The following PACRG variants were observed in gnomAD, a reference collection of about 807,000 sequenced individuals.
PACRG encodes the protein parkin coregulated.
In PACRG, 29 loss-of-function variants were observed where a neutral mutation model predicts 29.7. The ratio of observed to expected loss-of-function variants is 0.98; its 90% CI spans 0.73 to 1.33. PACRG has a LOEUF of 1.33. Ranked by LOEUF, PACRG falls within the 40% of genes most tolerant of loss-of-function variation. The pLI is 0.00. For missense variants in PACRG, 279 were observed against 316.2 expected, an observed-to-expected ratio of 0.88 and a Z score of 0.89; for synonymous variants, 116 against 118.7, an observed-to-expected ratio of 0.98 and a Z score of 0.15.
chr6:163,282,949 G>C (rs1274757659), intron 4 of PACRG, among the ~76,000 whole-genome samples: 1 of 152,204 alleles, frequency 6.6e-6, no homozygotes, highest in East Asian at 1.9e-4. Flanking sequence ...CAAATTTTGT[G>C]TAAACATGTA....
intron 3 of PACRG, among the ~76,000 whole-genome samples, chr6:163,072,388 A>G (rs753171999): frequency 6.6e-6 from 1 of 152,082 alleles, no homozygotes; most frequent in African/African-American, 2.4e-5. Flanking sequence ...CCTGAAAAAT[A>G]AAAACAAATG....
At chr6:163,297,005 A>G (rs532687103) in intron 4 of PACRG, among the ~76,000 whole-genome samples, 1 of 152,370 alleles carries the variant, frequency 6.6e-6, no homozygotes, top group South Asian at 2.1e-4. Context: ...CTTAACTTGA[A>G]TAGCTGTCAA....
In PACRG at chr6:162,754,554, G is replaced by T. The variant is rs190031679; in HGVS notation, c.156+26163G>T. Among the ~76,000 whole-genome samples, 3 of 151,662 alleles carry T rather than the reference G, an allele frequency of 2.0e-5. No individual in the cohort carries two copies. In the East Asian group the frequency reaches 5.8e-4, roughly 29 times the overall value. On this transcript the variant is annotated intron_variant, in intron 1 of 4. Transcript: ENST00000366888. Reference sequence around the variant, plus strand: ...AAAAATAACTGCCCAGACCAATGTTGTGGAGCTTCCTCCCAGTGTTTTCTT... The same window carrying T: ...AAAAATAACTGCCCAGACCAATGTTTTGGAGCTTCCTCCCAGTGTTTTCTT...
chr6:162,753,757 G>T (rs1406012404), intron 1 of PACRG, among the ~76,000 whole-genome samples: 1 of 152,012 alleles, frequency 6.6e-6, no homozygotes, highest in East Asian at 1.9e-4. Flanking sequence ...TCTCTTTCCT[G>T]CCACTATGTA....
At chr6:162,932,135 A>G (rs1797897957) in intron 2 of PACRG, among the ~76,000 whole-genome samples, 1 of 152,072 alleles carries the variant, frequency 6.6e-6, no homozygotes, top group Non-Finnish European at 1.5e-5. Context: ...AAAAAAAGTA[A>G]TGTTGAATAA....
intron 4 of PACRG, among the ~76,000 whole-genome samples, chr6:163,134,462 A>G (rs554558643): frequency 6.6e-6 from 1 of 152,146 alleles, no homozygotes; most frequent in African/African-American, 2.4e-5. Context: ...GCAGGGCCTC[A>G]AGCAACTTCA....
chr6:162,939,358 C>T (rs1000737265), intron 2 of PACRG, among the ~76,000 whole-genome samples: 3 of 152,080 alleles, frequency 2.0e-5, no homozygotes, highest in African/African-American at 7.2e-5. Context: ...GATTTCATGA[C>T]CAAGAGCCCA....
intron 4 of PACRG, among the ~76,000 whole-genome samples, chr6:163,137,347 CTGCA>C: frequency 6.6e-6 from 1 of 152,046 alleles, no homozygotes; most frequent in Non-Finnish European, 1.5e-5. Context: ...ATTCCCAACA[CTGCA>C]ACTCCCTGCC....
chr6:163,015,688 A>G (rs1806029928), intron 2 of PACRG, among the ~76,000 whole-genome samples: 1 of 152,096 alleles, frequency 6.6e-6, no homozygotes, highest in Non-Finnish European at 1.5e-5. Context: ...ATTTTTATAC[A>G]TTGATTTTGT....
chr6:163,012,759 C>T (rs989691368), intron 2 of PACRG, among the ~76,000 whole-genome samples: 2 of 152,216 alleles, frequency 1.3e-5, no homozygotes, highest in African/African-American at 4.8e-5. Context: ...CCATTCATTT[C>T]CCTGACAGAA....
intron 4 of PACRG, among the ~76,000 whole-genome samples, chr6:163,227,091 G>A (rs557381511): frequency 6.6e-6 from 1 of 152,104 alleles, no homozygotes; most frequent in Non-Finnish European, 1.5e-5. Context: ...GGCCATTCTT[G>A]CATTGCTATA....
intron 1 of PACRG, among the ~76,000 whole-genome samples, chr6:162,757,574 G>C (rs1430997447): frequency 3.9e-5 from 6 of 152,064 alleles, no homozygotes; most frequent in African/African-American, 1.4e-4. Flanking sequence ...CGGGCGTGTT[G>C]GTGCACACAT....
chr6:163,188,387 G>C (rs1780052124), intron 4 of PACRG, among the ~76,000 whole-genome samples: 1 of 152,334 alleles, frequency 6.6e-6, no homozygotes, highest in South Asian at 2.1e-4. Flanking sequence ...AAATTAAGGA[G>C]TGTCTATTTA....
At chr6:162,973,962 A>G (rs549441003) in intron 2 of PACRG, among the ~76,000 whole-genome samples, 1 of 152,338 alleles carries the variant, frequency 6.6e-6, no homozygotes, top group South Asian at 2.1e-4. Flanking sequence ...ATTTACCCAC[A>G]GTGTTTAAAC....
At chr6:163,099,840 G>A (rs925805749) in intron 4 of PACRG, among the ~76,000 whole-genome samples, 2 of 152,178 alleles carry the variant, frequency 1.3e-5, no homozygotes, top group African/African-American at 2.4e-5. Flanking sequence ...GGGTAGTGAG[G>A]GTGAGTAAAT....
intron 1 of PACRG, among the ~76,000 whole-genome samples, chr6:162,772,820 T>C (rs1783324703): frequency 1.3e-5 from 2 of 152,106 alleles, no homozygotes. Context: ...AGATTTAGTT[T>C]TTACAGAGGA....
chr6:162,846,572 C>G (rs897086223), intron 2 of PACRG, among the ~76,000 whole-genome samples: 2 of 152,170 alleles, frequency 1.3e-5, no homozygotes, highest in Admixed American at 1.3e-4. Context: ...TTATATTCAT[C>G]TTTAGTAGGA....
chr6:163,248,072 T>C (rs1190809779), intron 4 of PACRG, among the ~76,000 whole-genome samples: 4 of 152,186 alleles, frequency 2.6e-5, no homozygotes, highest in Admixed American at 6.5e-5. Context: ...AAGAAAATGC[T>C]ACCTCCATGC....
intron 4 of PACRG, among the ~76,000 whole-genome samples, chr6:163,239,911 C>G (rs1393351236): frequency 1.4e-5 from 2 of 146,908 alleles, no homozygotes; most frequent in Admixed American, 6.8e-5. Context: ...GTCACACGCT[C>G]ATACTTCCAT....
Sources: gnomAD v4.1 joint callset for allele counts (sites outside exome capture counted in the v4.1 genomes callset) on GRCh38, gnomAD v4.1.1 for gene constraint, MANE v1.5 for transcripts, NCBI Gene and HGNC (gene_info 2026-07-23, HGNC 2026-07-21) for gene names.